Variants in STAG1 observed in about 807,000 individuals in gnomAD.
STAG1 encodes STAG1 cohesin complex component.
Under a neutral mutation model 170.9 loss-of-function variants are expected in STAG1, and 26 were observed. The ratio of observed to expected loss-of-function variants is 0.15; its 90% CI spans 0.11 to 0.21. The LOEUF (loss-of-function observed/expected upper bound fraction) is 0.21, where lower values mean the gene tolerates loss of function less well. STAG1 is among the 10% of genes least tolerant of loss of function. STAG1 has a pLI of 1.00. For missense variants in STAG1, 964 were observed against 1,509.5 expected (o/e 0.64, Z 5.99); for synonymous variants, 514 against 497.7 (o/e 1.03, Z -0.44).
intron 7 of STAG1, among the ~76,000 whole-genome samples, chr3:136,515,141 G>A (rs1163823103): frequency 6.6e-6 from 1 of 152,136 alleles, no homozygotes; most frequent in Non-Finnish European, 1.5e-5. Context: ...AAGGTGGGCG[G>A]ACTGCCCGAG....
intron 1 of STAG1, among the ~76,000 whole-genome samples, chr3:136,724,159 G>C (rs553219134): frequency 8.8e-5 from 10 of 113,234 alleles, no homozygotes; most frequent in South Asian, 4.6e-4. Context: ...GTGGAATAGA[G>C]GAGGGGAGAA....
chr3:136,705,416 C>T (rs919729114), intron 1 of STAG1, among the ~76,000 whole-genome samples: 1 of 129,802 alleles, frequency 7.7e-6, no homozygotes, highest in Non-Finnish European at 1.7e-5. Context: ...CACACACACA[C>T]ACACACACAA....
At chr3:136,552,093 T>C (rs1936430608) in intron 5 of STAG1, among the ~76,000 whole-genome samples, 1 of 152,222 alleles carries the variant, frequency 6.6e-6, no homozygotes, top group African/African-American at 2.4e-5. Context: ...CCTAAAACAG[T>C]ACCTGCACGT....
intron 23 of STAG1, among the ~76,000 whole-genome samples, chr3:136,373,289 C>CA (rs1937447196): frequency 6.6e-6 from 1 of 151,822 alleles, no homozygotes; most frequent in East Asian, 1.9e-4. Flanking sequence ...TTGATTTTTT[C>CA]AAAAAACCAG....
chr3:136,471,120 TA>T (rs11361791), intron 12 of STAG1, among the ~76,000 whole-genome samples: 104,701 of 146,696 alleles, frequency 0.71, 37,074 homozygotes, highest in East Asian at 0.86. Flanking sequence ...GAAGTTAAAT[TA>T]AAAAAAAAAA....
At chr3:136,561,231 T>C (rs1408563887) in intron 5 of STAG1, among the ~76,000 whole-genome samples, 1 of 152,238 alleles carries the variant, frequency 6.6e-6, no homozygotes, top group East Asian at 1.9e-4. Context: ...TTACAAATTT[T>C]TTGTTTTCTT....
chr3:136,515,262 G>C (rs776283902), intron 7 of STAG1, among the ~76,000 whole-genome samples: 3 of 152,126 alleles, frequency 2.0e-5, no homozygotes, highest in African/African-American at 7.2e-5. Flanking sequence ...CTACTCGGGA[G>C]GCTGAGGCAA....
At chr3:136,637,626 C>T (rs1940622708) in intron 1 of STAG1, among the ~76,000 whole-genome samples, 2 of 152,182 alleles carry the variant, frequency 1.3e-5, no homozygotes, top group Admixed American at 6.5e-5. Flanking sequence ...AGTTCTCATA[C>T]CACGTATTCT....
chr3:136,466,704 G>A (rs1441998174), intron 12 of STAG1, among the ~76,000 whole-genome samples: 1 of 152,144 alleles, frequency 6.6e-6, no homozygotes, highest in Non-Finnish European at 1.5e-5. Context: ...ATAATTGTCA[G>A]ATTCACCAAA....
intron 21 of STAG1, among the ~76,000 whole-genome samples, chr3:136,399,285 T>C (rs879246467): frequency 1.3e-5 from 2 of 152,156 alleles, no homozygotes; most frequent in Admixed American, 1.3e-4. Flanking sequence ...TTAATGAATA[T>C]AAAGCAAAAA....
Position 136,494,642 on chromosome 3 carries a change from C to A in STAG1, c.902+5581G>T, listed in dbSNP as rs116405117. 6.5e-3 allele frequency among the ~76,000 whole-genome samples: 983 copies of A among 152,160 alleles called. 10 individuals carry two copies. The highest frequency in any genetic ancestry group is 0.023 in the African/African-American group (954 of 41,512). ...GGTATAATATCTGAAAATCAATGAA[C>A]ACAATACACTATATTAATATAATAA... On this transcript the variant is annotated intron_variant, in intron 9 of 33. Coordinates refer to ENST00000383202, the MANE Select transcript of STAG1 (RefSeq NM_005862.3).
chr3:136,708,815 T>C (rs530176862), intron 1 of STAG1, among the ~76,000 whole-genome samples: 2 of 152,008 alleles, frequency 1.3e-5, no homozygotes, highest in African/African-American at 4.8e-5. Context: ...TCATGGAAGT[T>C]TTGTAACATG....
chr3:136,359,091 T>C (rs370934609), intron 27 of STAG1, 57 bp downstream of exon 27: 1 of 1,429,198 alleles, frequency 7.0e-7, no homozygotes, highest in South Asian at 1.5e-5. Flanking sequence ...ATAAGAGTTA[T>C]TTCATTAAAA....
At chr3:136,389,238 A>G (rs1015628893) in intron 22 of STAG1, among the ~76,000 whole-genome samples, 4 of 152,218 alleles carry the variant, frequency 2.6e-5, no homozygotes, top group African/African-American at 9.6e-5. Flanking sequence ...CTGTCTCTTA[A>G]TAAGTAAAAA....
intron 1 of STAG1, among the ~76,000 whole-genome samples, chr3:136,635,200 A>G (rs1940505299): frequency 6.6e-6 from 1 of 152,244 alleles, no homozygotes; most frequent in African/African-American, 2.4e-5. Context: ...TCTAATAAAC[A>G]TATATGTGAA....
chr3:136,369,127 G>A lies in STAG1; in HGVS notation c.2526C>T (p.Asp842=), dbSNP rs199613871. The A allele has an allele frequency of 4.5e-4, 705 of 1,563,604 alleles. 1 individual carries two copies. The highest frequency in any genetic ancestry group is 4.9e-4 in the Non-Finnish European group (574 of 1,160,394). The change falls in exon 24 of 34, where the codon GAC becomes GAT. Residue 842 remains aspartate (D), a synonymous_variant. Coordinates refer to ENST00000383202, the MANE Select transcript of STAG1 (RefSeq NM_005862.3). ...FVMDHVFIDQ[D]EENQSMEGDE... Reference sequence around the variant, plus strand: ...AAGTACCCATGCTCTGGTTCTCCTCGTCTTGGTCAATAAAAACGTGATCCA... The same window carrying A: ...AAGTACCCATGCTCTGGTTCTCCTCATCTTGGTCAATAAAAACGTGATCCA...
At chr3:136,672,659 T>A (rs1942011834) in intron 1 of STAG1, among the ~76,000 whole-genome samples, 1 of 152,104 alleles carries the variant, frequency 6.6e-6, no homozygotes, top group Non-Finnish European at 1.5e-5. Context: ...ACTTAGAACA[T>A]GATAAGCATT....
At chr3:136,507,012 T>C (rs1390513795) in intron 7 of STAG1, among the ~76,000 whole-genome samples, 2 of 152,202 alleles carry the variant, frequency 1.3e-5, no homozygotes, top group Non-Finnish European at 2.9e-5. Flanking sequence ...CAGTCACTCT[T>C]CCAAGCCGTA....
At position 136,740,469 on chromosome 3, in the gene STAG1, A is replaced by G. The variant is rs1241166823; in HGVS notation, c.-84+11726T>C. ...GTTTATTGGCATATAGTAAATGCTC[A>G]ATGTTCTTTTTTGCTTTTGTTCTTT... On this transcript the variant is annotated intron_variant, in intron 1 of 33. Transcript: ENST00000383202. Among the ~76,000 whole-genome samples the G allele has an allele frequency of 5.3e-5, 8 of 152,080 alleles. No homozygotes were observed. The East Asian group carries it at 1.5e-3, about 29-fold the overall frequency.
Sources: gnomAD v4.1 joint callset for allele counts (sites outside exome capture counted in the v4.1 genomes callset) on GRCh38, gnomAD v4.1.1 for gene constraint, MANE v1.5 for transcripts, NCBI Gene and HGNC (gene_info 2026-07-23, HGNC 2026-07-21) for gene names.